MBD5: variants seen among roughly 807,000 people sequenced by gnomAD.
MBD5 encodes the protein methyl-CpG-binding domain protein 5.
Under a neutral mutation model 117.3 loss-of-function variants are expected in MBD5, and 13 were observed. The ratio of observed to expected loss-of-function variants is 0.11; its 90% CI spans 0.07 to 0.18. The LOEUF (loss-of-function observed/expected upper bound fraction) is 0.18, where lower values mean the gene tolerates loss of function less well. Among genes scored for constraint, MBD5 ranks in the 10% least tolerant of loss-of-function variants. MBD5 has a pLI of 1.00. For missense variants in MBD5, 1,879 were observed against 2,093.8 expected (o/e 0.90, Z 2.00); for synonymous variants, 727 against 766.4 (o/e 0.95, Z 0.85).
intron 2 of MBD5, among the ~76,000 whole-genome samples, chr2:148,198,069 C>T (rs1287923610): frequency 6.6e-6 from 1 of 152,006 alleles, no homozygotes; most frequent in African/African-American, 2.4e-5. Flanking sequence ...CCCGCCTCAG[C>T]CTCCCAAAGT....
intron 12 of MBD5, among the ~76,000 whole-genome samples, chr2:148,508,878 G>A (rs1682126293): frequency 2.6e-5 from 4 of 152,200 alleles, no homozygotes; most frequent in African/African-American, 4.8e-5. Context: ...GAACTCAGGG[G>A]TGGAAAACTC....
chr2:148,433,602 G>A (rs150810041), intron 4 of MBD5, among the ~76,000 whole-genome samples: 1 of 152,266 alleles, frequency 6.6e-6, no homozygotes, highest in East Asian at 1.9e-4. Flanking sequence ...CATCTATTGA[G>A]ATGATCATGT....
At chr2:148,367,153 G>C (rs1445876546) in intron 4 of MBD5, among the ~76,000 whole-genome samples, 2 of 152,128 alleles carry the variant, frequency 1.3e-5, no homozygotes, top group Non-Finnish European at 2.9e-5. Flanking sequence ...GAACAGAACA[G>C]AGGCCTCAGA....
chr2:148,509,952 A>C, intron 12 of MBD5, 108 bp from the exon 13 acceptor site: 2 of 813,938 alleles, frequency 2.5e-6, no homozygotes, highest in Admixed American at 4.0e-5. Context: ...GCGAGTATAA[A>C]TTGGCTTTCT....
chr2:148,091,179 C>T (rs1244702355), intron 1 of MBD5, among the ~76,000 whole-genome samples: 1 of 152,104 alleles, frequency 6.6e-6, no homozygotes, highest in Non-Finnish European at 1.5e-5. Flanking sequence ...AATGGAAACA[C>T]ATCCCATACT....
In MBD5 at chr2:148,469,906, G is replaced by A. The variant is rs576930680; in HGVS notation, c.1963G>A (p.Ala655Thr). Residue 655 changes from alanine (A) to threonine (T), a missense_variant, in exon 8 of 14, where the codon GCA becomes ACA. Coordinates refer to ENST00000642680, the MANE Select transcript of MBD5 (RefSeq NM_001378120.1). ...RDKLMSQQKDALRKRKQPPTT... is the reference protein window; with the variant it reads ...RDKLMSQQKDTLRKRKQPPTT... The stretch of plus-strand genomic sequence containing the variant: ...TAAGCTGATGTCTCAGCAAAAAGAC[G>A]CATTGCGGAAAAGAAAACAACCACC... 9 of 1,613,918 alleles carry A rather than the reference G, an allele frequency of 5.6e-6. No homozygotes were observed. The highest frequency in any genetic ancestry group is 1.7e-5 in the Admixed American group (1 of 59,994).
At chr2:148,387,761 T>C (rs1224101059) in intron 4 of MBD5, among the ~76,000 whole-genome samples, 1 of 151,970 alleles carries the variant, frequency 6.6e-6, no homozygotes, top group African/African-American at 2.4e-5. Context: ...AAAGATAATA[T>C]TTACTATAGC....
chr2:148,151,913 T>G (rs1197801428), intron 1 of MBD5, among the ~76,000 whole-genome samples: 1 of 152,174 alleles, frequency 6.6e-6, no homozygotes, highest in African/African-American at 2.4e-5. Context: ...CATTAATTTT[T>G]GAAGGGTTTT....
intron 1 of MBD5, among the ~76,000 whole-genome samples, chr2:148,121,269 A>G (rs1371794011): frequency 6.6e-6 from 1 of 152,182 alleles, no homozygotes; most frequent in Non-Finnish European, 1.5e-5. Flanking sequence ...GTTAGTGCTA[A>G]TATACCTTGG....
intron 1 of MBD5, among the ~76,000 whole-genome samples, chr2:148,148,965 T>G (rs542273942): frequency 2.1e-4 from 32 of 152,298 alleles, no homozygotes; most frequent in Non-Finnish European, 3.8e-4. Context: ...ATACTTTAAG[T>G]TTTACGGTAC....
intron 3 of MBD5, among the ~76,000 whole-genome samples, chr2:148,261,864 G>T (rs949010123): frequency 6.6e-6 from 1 of 152,160 alleles, no homozygotes; most frequent in African/African-American, 2.4e-5. Context: ...ACACTTAAAG[G>T]CCATTGAAGT....
At chr2:148,238,616 C>T (rs532306231) in intron 3 of MBD5, among the ~76,000 whole-genome samples, 9 of 152,226 alleles carry the variant, frequency 5.9e-5, no homozygotes, top group Admixed American at 1.3e-4. Context: ...CTTAAAATAA[C>T]GAAAGTTTAT....
intron 4 of MBD5, among the ~76,000 whole-genome samples, chr2:148,447,129 GAA>G (rs1559075405): frequency 7.6e-6 from 1 of 130,948 alleles, no homozygotes; most frequent in African/African-American, 2.7e-5. Flanking sequence ...GAAAGAAAAA[GAA>G]AGAGAGAGAG....
At chr2:148,381,730 G>T (rs1574358128) in intron 4 of MBD5, among the ~76,000 whole-genome samples, 1 of 152,188 alleles carries the variant, frequency 6.6e-6, no homozygotes, top group Non-Finnish European at 1.5e-5. Flanking sequence ...TACCCACAAA[G>T]GGAAGCCCAT....
At chr2:148,290,237 C>G (rs770597848) in intron 3 of MBD5, among the ~76,000 whole-genome samples, 3 of 149,978 alleles carry the variant, frequency 2.0e-5, no homozygotes, top group Admixed American at 6.7e-5. Context: ...GGATTATAGG[C>G]GTGAGTCACC....
intron 2 of MBD5, among the ~76,000 whole-genome samples, chr2:148,201,115 T>G (rs1699128517): frequency 6.6e-6 from 1 of 152,222 alleles, no homozygotes; most frequent in Non-Finnish European, 1.5e-5. Flanking sequence ...CCACAGGAGA[T>G]GCCCTGTTTA....
In MBD5 at chr2:148,416,926, C is replaced by T. The variant is rs564212539; in HGVS notation, c.-556-41277C>T. Among the ~76,000 whole-genome samples, 4 of 152,234 alleles carry T rather than the reference C, an allele frequency of 2.6e-5. No individual in the cohort carries two copies. In the East Asian group the frequency reaches 7.7e-4, roughly 29 times the overall value. The stretch of plus-strand genomic sequence containing the variant: ...TAGAATAATCACCTCCAGTTCCATC[C>T]AAGTTTCTCCAAAAGACATTAGTTC... On this transcript the variant is annotated intron_variant, in intron 4 of 13. Transcript: ENST00000642680.
intron 2 of MBD5, among the ~76,000 whole-genome samples, chr2:148,183,355 G>C (rs1391901116): frequency 1.3e-5 from 2 of 151,894 alleles, no homozygotes; most frequent in African/African-American, 2.4e-5. Flanking sequence ...AAAGAAAAAG[G>C]AGTAAAGATC....
At chr2:148,496,210 A>C (rs1681697900) in intron 11 of MBD5, among the ~76,000 whole-genome samples, 1 of 152,208 alleles carries the variant, frequency 6.6e-6, no homozygotes, top group Non-Finnish European at 1.5e-5. Flanking sequence ...AGAGGCAATC[A>C]ATGCCCTGTC....
Sources: gnomAD v4.1 joint callset for allele counts (sites outside exome capture counted in the v4.1 genomes callset) on GRCh38, gnomAD v4.1.1 for gene constraint, MANE v1.5 for transcripts, NCBI Gene and HGNC (gene_info 2026-07-23, HGNC 2026-07-21) for gene names.